Variants in EBF1 observed in about 807,000 individuals in gnomAD.
EBF1 encodes the protein EBF transcription factor 1, also known as transcription factor COE1.
EBF1 carries 10 observed loss-of-function variants against 68.4 expected under a neutral mutation model. The ratio of observed to expected loss-of-function variants is 0.15; its 90% CI spans 0.09 to 0.25. The LOEUF (loss-of-function observed/expected upper bound fraction) is 0.25, where lower values mean the gene tolerates loss of function less well. Ranked by LOEUF, EBF1 falls within the 10% of genes least tolerant of loss-of-function variation. The pLI is 1.00. For synonymous variants in EBF1, 298 were observed against 299.8 expected, an observed-to-expected ratio of 0.99 and a Z score of 0.06; for missense variants, 509 against 794.4, an observed-to-expected ratio of 0.64 and a Z score of 4.32.
intron 7 of EBF1, among the ~76,000 whole-genome samples, chr5:158,825,613 A>G (rs1341208253): frequency 6.6e-6 from 1 of 152,160 alleles, no homozygotes; most frequent in African/African-American, 2.4e-5. Context: ...TTGAACAAAA[A>G]TGTCAAAAAC....
intron 6 of EBF1, among the ~76,000 whole-genome samples, chr5:158,928,454 A>C (rs1345174198): frequency 6.6e-6 from 1 of 152,242 alleles, no homozygotes; most frequent in Non-Finnish European, 1.5e-5. Context: ...TTCTTATGAA[A>C]AAAAATAATT....
At chr5:158,829,566 A>G (rs571777352) in intron 7 of EBF1, among the ~76,000 whole-genome samples, 2 of 150,196 alleles carry the variant, frequency 1.3e-5, no homozygotes, top group African/African-American at 4.9e-5. Flanking sequence ...GATGTTAATA[A>G]TAGGGGAAAC....
At chr5:158,764,640 T>C (rs1185901889) in intron 10 of EBF1, among the ~76,000 whole-genome samples, 1 of 152,154 alleles carries the variant, frequency 6.6e-6, no homozygotes, top group Non-Finnish European at 1.5e-5. Flanking sequence ...CAGCTGGTGA[T>C]AGCGCTGTCA....
chr5:158,732,195 AAGAC>A, intron 10 of EBF1, among the ~76,000 whole-genome samples: 1 of 152,330 alleles, frequency 6.6e-6, no homozygotes, highest in Admixed American at 6.5e-5. Context: ...CTGAATAAAA[AAGAC>A]AGTCTGTGTA....
intron 10 of EBF1, among the ~76,000 whole-genome samples, chr5:158,773,935 C>T (rs918534414): frequency 6.6e-6 from 1 of 152,114 alleles, no homozygotes; most frequent in African/African-American, 2.4e-5. Context: ...TGACCAGAAA[C>T]GATAATAGGG....
chr5:158,868,270 C>T (rs1021359952), intron 6 of EBF1, among the ~76,000 whole-genome samples: 2 of 151,858 alleles, frequency 1.3e-5, no homozygotes, highest in African/African-American at 2.4e-5. Flanking sequence ...GTGTATATGG[C>T]TGAGAGTTTA....
rs138168108 is a variant in EBF1, at chr5:158,882,610, A to T, written c.555-42500T>A. Among the ~76,000 whole-genome samples, 37 of 152,342 alleles carry T rather than the reference A, an allele frequency of 2.4e-4. No individual in the cohort carries two copies. The East Asian group carries it at 6.9e-3, about 29-fold the overall frequency. On this transcript the variant is annotated intron_variant, in intron 6 of 15. Coordinates refer to ENST00000313708, the MANE Select transcript of EBF1 (RefSeq NM_024007.5). ...ATATGCAAAGTTTCTCGAAGGAAAAATAACTGTGTCCAACCTTATCACAAC... is the reference window on the plus strand; with the variant it reads ...ATATGCAAAGTTTCTCGAAGGAAAATTAACTGTGTCCAACCTTATCACAAC...
At chr5:158,822,414 A>T (rs1340979703) in intron 8 of EBF1, among the ~76,000 whole-genome samples, 3 of 152,168 alleles carry the variant, frequency 2.0e-5, no homozygotes, top group Non-Finnish European at 4.4e-5. Flanking sequence ...TGAAAAATTC[A>T]GGCGTGCCCC....
chr5:158,981,361 A>G (rs1757866166), intron 6 of EBF1, among the ~76,000 whole-genome samples: 1 of 152,192 alleles, frequency 6.6e-6, no homozygotes, highest in Non-Finnish European at 1.5e-5. Flanking sequence ...TCAACATTTT[A>G]AGGTGCTTTT....
chr5:158,991,331 T>C (rs1561728234), intron 6 of EBF1, among the ~76,000 whole-genome samples: 1 of 152,238 alleles, frequency 6.6e-6, no homozygotes, highest in Non-Finnish European at 1.5e-5. Context: ...TCATATTCAT[T>C]CTAGCATACC....
At chr5:159,077,391 A>G (rs981263053) in intron 5 of EBF1, among the ~76,000 whole-genome samples, 9 of 152,208 alleles carry the variant, frequency 5.9e-5, no homozygotes, top group African/African-American at 1.7e-4. Flanking sequence ...GTGACCTGAT[A>G]TCGTGCCATT....
At chr5:158,931,955 C>T (rs1810977013) in intron 6 of EBF1, among the ~76,000 whole-genome samples, 1 of 152,106 alleles carries the variant, frequency 6.6e-6, no homozygotes. Context: ...TGTTTGCCAC[C>T]TTACCTTTAG....
intron 6 of EBF1, among the ~76,000 whole-genome samples, chr5:158,919,363 T>G (rs1163618996): frequency 6.6e-6 from 1 of 152,098 alleles, no homozygotes; most frequent in African/African-American, 2.4e-5. Context: ...GAGGGTTATC[T>G]CATAGATAAC....
chr5:159,076,915 G>A (rs1736351897), intron 5 of EBF1, among the ~76,000 whole-genome samples: 2 of 152,290 alleles, frequency 1.3e-5, no homozygotes, highest in South Asian at 4.1e-4. Flanking sequence ...GCATTAAAAA[G>A]AATGAAGGTA....
intron 7 of EBF1, among the ~76,000 whole-genome samples, chr5:158,831,101 A>G (rs1209452313): frequency 6.6e-6 from 1 of 152,132 alleles, no homozygotes; most frequent in Non-Finnish European, 1.5e-5. Context: ...GTGGATCAGG[A>G]TACTTTTGAC....
intron 8 of EBF1, among the ~76,000 whole-genome samples, chr5:158,818,303 C>A (rs992703436): frequency 2.0e-5 from 3 of 152,182 alleles, no homozygotes; most frequent in African/African-American, 4.8e-5. Context: ...AACAAAAAAA[C>A]CAAACAAATG....
intron 3 of EBF1, among the ~76,000 whole-genome samples, chr5:159,095,947 G>A (rs1782530660): frequency 6.6e-6 from 1 of 152,186 alleles, no homozygotes; most frequent in African/African-American, 2.4e-5. Flanking sequence ...GGGGTACCCC[G>A]ACTTGTCTGT....
rs1418250192 is a variant in EBF1 at position 158,996,713 on chromosome 5, C to T, written c.554+76683G>A. Among the ~76,000 whole-genome samples the T allele has an allele frequency of 3.3e-5, 5 of 152,250 alleles. No individual in the cohort carries two copies. The East Asian group carries it at 9.6e-4, about 29-fold the overall frequency. ...ACTTCTACCATTTATTACTGAGTTT[C>T]TAGTTTAAAGACAACAAATGCAAGG... On this transcript the variant is annotated intron_variant, in intron 6 of 15. Coordinates refer to ENST00000313708, the MANE Select transcript of EBF1 (RefSeq NM_024007.5).
At chr5:158,715,617 T>C (rs937296390) in intron 11 of EBF1, among the ~76,000 whole-genome samples, 2 of 152,154 alleles carry the variant, frequency 1.3e-5, no homozygotes, top group African/African-American at 4.8e-5. Flanking sequence ...ATGTAGGGAG[T>C]AAAGAACATT....
Sources: allele counts gnomAD v4.1 joint callset (sites outside exome capture counted in the v4.1 genomes callset), GRCh38; gene constraint gnomAD v4.1.1; transcripts MANE v1.5; gene names NCBI Gene and HGNC (gene_info 2026-07-23, HGNC 2026-07-21).